RYR2: variants seen among roughly 807,000 people sequenced by gnomAD.
RYR2 encodes cardiac muscle ryanodine receptor-calcium release channel.
A neutral mutation model predicts 601.1 loss-of-function variants in RYR2; 227 were observed. That is an observed-to-expected ratio of 0.38 (90% CI 0.34 to 0.42). The LOEUF is 0.42. RYR2 is among the 10% of genes least tolerant of loss of function. The probability of loss-of-function intolerance (pLI) is 1.00; values close to 1 mark genes in which losing one functional copy is unlikely to be tolerated. For synonymous variants in RYR2, 2,223 were observed against 2,175.1 expected, an observed-to-expected ratio of 1.02 and a Z score of -0.61; for missense variants, 4,646 against 6,156.5, an observed-to-expected ratio of 0.75 and a Z score of 8.21.
At chr1:237,055,846 T>C (rs534798179) in intron 1 of RYR2, among the ~76,000 whole-genome samples, 2 of 152,276 alleles carry the variant, frequency 1.3e-5, no homozygotes, top group East Asian at 3.9e-4. Context: ...ATATGACTAG[T>C]GCCCTCCTAA....
At chr1:237,463,020 GT>G (rs1659657068) in intron 16 of RYR2, among the ~76,000 whole-genome samples, 1 of 152,120 alleles carries the variant, frequency 6.6e-6, no homozygotes, top group South Asian at 2.1e-4. Context: ...TCTCCAAGAA[GT>G]TTCAATGCAT....
At chr1:237,755,579 G>A (rs1692882390) in intron 80 of RYR2, among the ~76,000 whole-genome samples, 1 of 152,140 alleles carries the variant, frequency 6.6e-6, no homozygotes. Flanking sequence ...AACTTGCTGT[G>A]CCTTTATATT....
chr1:237,048,658 T>C (rs980202604), intron 1 of RYR2, among the ~76,000 whole-genome samples: 2 of 152,204 alleles, frequency 1.3e-5, no homozygotes, highest in African/African-American at 2.4e-5. Flanking sequence ...TCTCCGACCA[T>C]TTATCACTAA....
chr1:237,796,895 C>G (rs1250975510), intron 96 of RYR2, among the ~76,000 whole-genome samples: 1 of 152,084 alleles, frequency 6.6e-6, no homozygotes, highest in African/African-American at 2.4e-5. Flanking sequence ...AGTGATTCTC[C>G]TACCTCAGTC....
At chr1:237,493,664 G>C (rs1414717389) in intron 19 of RYR2, among the ~76,000 whole-genome samples, 1 of 152,120 alleles carries the variant, frequency 6.6e-6, no homozygotes, top group Non-Finnish European at 1.5e-5. Context: ...GTGTTAGCCA[G>C]GATGGTCTCG....
At chr1:237,716,759 C>T (rs1439860218) in intron 71 of RYR2, among the ~76,000 whole-genome samples, 1 of 40,520 alleles carries the variant, frequency 2.5e-5, no homozygotes, top group African/African-American at 4.0e-5. Context: ...TTAGACCACA[C>T]ACACACACAC....
intron 90 of RYR2, 173 bp downstream of exon 90, chr1:237,785,145 G>A: frequency 1.6e-6 from 1 of 629,762 alleles, no homozygotes; most frequent in East Asian, 2.7e-5. Flanking sequence ...GAGTCCTTAT[G>A]AATTATTAAA....
At chr1:237,454,917 G>T (rs1208103005) in intron 15 of RYR2, among the ~76,000 whole-genome samples, 1 of 152,114 alleles carries the variant, frequency 6.6e-6, no homozygotes, top group African/African-American at 2.4e-5. Flanking sequence ...ACGAATACAG[G>T]CTTTAGAAAG....
At chr1:237,623,359 GTTTCTTTCTTTC>G (rs1189274935) in intron 38 of RYR2, among the ~76,000 whole-genome samples, 2 of 48,952 alleles carry the variant, frequency 4.1e-5, no homozygotes, top group Non-Finnish European at 9.5e-5. Context: ...GCCTTTCTTT[GTTTCTTTCTTTC>G]TTTCTTTCTT....
At position 237,426,506 on chromosome 1, in the gene RYR2, C is replaced by T. The variant is rs569080287; in HGVS notation, c.1005+3258C>T. ...CTAGTTTATCTACTGATAGCACCTC[C>T]GTCCAGAAAGAAAAAAGTTCAACCC... On this transcript the variant is annotated intron_variant, in intron 12 of 104. Transcript: ENST00000366574. Among the ~76,000 whole-genome samples the T allele has an allele frequency of 1.4e-4, 22 of 152,108 alleles. No homozygotes were observed. In the East Asian group the frequency reaches 2.3e-3, roughly 16 times the overall value.
At chr1:237,044,956 CTTTT>C (rs4006366) in intron 1 of RYR2, among the ~76,000 whole-genome samples, 13 of 144,574 alleles carry the variant, frequency 9.0e-5, no homozygotes, top group African/African-American at 2.8e-4. Context: ...TCTTCTTCTT[CTTTT>C]TTTTTTTTTT....
At chr1:237,149,795 G>A (rs1386425211) in intron 1 of RYR2, among the ~76,000 whole-genome samples, 2 of 151,328 alleles carry the variant, frequency 1.3e-5, no homozygotes, top group East Asian at 1.9e-4. Flanking sequence ...AATGAAGTCC[G>A]AGCTACTTCA....
At chr1:237,268,448 T>G (rs1431417922) in intron 1 of RYR2, among the ~76,000 whole-genome samples, 1 of 152,178 alleles carries the variant, frequency 6.6e-6, no homozygotes, top group Non-Finnish European at 1.5e-5. Flanking sequence ...GAATTTATAT[T>G]CAGATATACC....
chr1:237,544,847 A>G (rs1669634273), intron 25 of RYR2, among the ~76,000 whole-genome samples: 1 of 152,194 alleles, frequency 6.6e-6, no homozygotes, highest in Non-Finnish European at 1.5e-5. Flanking sequence ...TGAAACATTC[A>G]TGATGTCAAT....
At chr1:237,054,193 T>C (rs942564694) in intron 1 of RYR2, among the ~76,000 whole-genome samples, 1 of 142,172 alleles carries the variant, frequency 7.0e-6, no homozygotes, top group Non-Finnish European at 1.5e-5. Flanking sequence ...CCCTCCCTTC[T>C]TCCCTTCTTT....
chr1:237,197,998 G>T (rs1680752935), intron 1 of RYR2, among the ~76,000 whole-genome samples: 1 of 152,176 alleles, frequency 6.6e-6, no homozygotes, highest in South Asian at 2.1e-4. Context: ...AAATGGAACA[G>T]GAACAGGTCT....
chr1:237,144,867 G>A (rs186160631), intron 1 of RYR2, among the ~76,000 whole-genome samples: 11 of 152,220 alleles, frequency 7.2e-5, no homozygotes, highest in African/African-American at 1.9e-4. Context: ...CATCCAACTC[G>A]AGAACTGGAT....
intron 74 of RYR2, among the ~76,000 whole-genome samples, chr1:237,724,184 CATATATATATATATATATATAT>C (rs35705894): frequency 7.3e-6 from 1 of 137,000 alleles, no homozygotes; most frequent in Admixed American, 7.5e-5. Context: ...TGTGTGTGTG[CATATATATATATATATATATAT>C]ATATATATAT....
intron 94 of RYR2, 49 bp downstream of exon 94, chr1:237,792,372 TGTGTG>T: frequency 1.1e-6 from 1 of 896,934 alleles, no homozygotes. Context: ...TGTGTGTGTG[TGTGTG>T]TGTGCGTGTG....
Sources: allele counts gnomAD v4.1 joint callset (sites outside exome capture counted in the v4.1 genomes callset), GRCh38; gene constraint gnomAD v4.1.1; transcripts MANE v1.5; gene names NCBI Gene and HGNC (gene_info 2026-07-23, HGNC 2026-07-21).